ADAMTS2: variants seen among roughly 807,000 people sequenced by gnomAD.
ADAMTS2 encodes the protein ADAM metallopeptidase with thrombospondin type 1 motif 2.
ADAMTS2 carries 50 observed loss-of-function variants against 123.0 expected under a neutral mutation model. The ratio of observed to expected loss-of-function variants is 0.41; its 90% CI spans 0.32 to 0.51. The LOEUF (loss-of-function observed/expected upper bound fraction) is 0.51, where lower values mean the gene tolerates loss of function less well. ADAMTS2 is among the 20% of genes least tolerant of loss of function. ADAMTS2 has a pLI of 0.35. For synonymous variants in ADAMTS2, 678 were observed against 695.4 expected (o/e 0.98, Z 0.39); for missense variants, 1,494 against 1,705.2 (o/e 0.88, Z 2.18).
chr5:179,191,694 C>T (rs74886580), intron 4 of ADAMTS2, among the ~76,000 whole-genome samples: 183 of 152,244 alleles, frequency 1.2e-3, no homozygotes, highest in South Asian at 5.8e-3. Context: ...CTATCCCTAC[C>T]GCTGCCCCCG....
At chr5:179,326,881 G>C (rs1331217488) in intron 2 of ADAMTS2, among the ~76,000 whole-genome samples, 1 of 152,094 alleles carries the variant, frequency 6.6e-6, no homozygotes, top group Non-Finnish European at 1.5e-5. Context: ...GAGAGGGAGA[G>C]GGAGAGAGAG....
intron 3 of ADAMTS2, among the ~76,000 whole-genome samples, chr5:179,220,114 C>T (rs796749556): frequency 7.2e-5 from 11 of 152,354 alleles, no homozygotes; most frequent in African/African-American, 2.4e-4. Context: ...GGTAATGTCA[C>T]GGGGGCACCG....
intron 3 of ADAMTS2, among the ~76,000 whole-genome samples, chr5:179,250,138 A>G (rs1316203148): frequency 1.3e-5 from 2 of 152,194 alleles, no homozygotes; most frequent in African/African-American, 4.8e-5. Context: ...ACAGAACCCA[A>G]CACCCTTTGT....
intron 4 of ADAMTS2, among the ~76,000 whole-genome samples, chr5:179,194,827 C>T (rs1195344653): frequency 6.6e-6 from 1 of 152,132 alleles, no homozygotes; most frequent in Admixed American, 6.5e-5. Flanking sequence ...AGTTCCCCTC[C>T]TCAGGTGGGG....
intron 3 of ADAMTS2, among the ~76,000 whole-genome samples, chr5:179,244,023 T>C (rs1251404119): frequency 1.3e-5 from 2 of 151,774 alleles, no homozygotes; most frequent in African/African-American, 2.4e-5. Flanking sequence ...TTAAGAAAAA[T>C]GTGGAAACCA....
At chr5:179,208,128 G>T (rs925158029) in intron 3 of ADAMTS2, among the ~76,000 whole-genome samples, 1 of 130,634 alleles carries the variant, frequency 7.7e-6, no homozygotes, top group Non-Finnish European at 1.8e-5. Context: ...GCCTGACGCT[G>T]GAGTGGGCAG....
At position 179,303,605 on chromosome 5, in the gene ADAMTS2, G is replaced by A. The variant is rs771908678; in HGVS notation, c.535-30541C>T. On this transcript the variant is annotated intron_variant, in intron 2 of 21. Coordinates refer to ENST00000251582, the MANE Select transcript of ADAMTS2 (RefSeq NM_014244.5). This position sits in a 1 kb window ranked among gnomAD's most constrained non-coding sequence, Gnocchi z 4.7. The stretch of plus-strand genomic sequence containing the variant: ...GCTCAAGGATAGAAAAAGCATTTCC[G>A]AATGCTCAGAGCCAAGCCAACACCT... 1.4e-4 allele frequency among the ~76,000 whole-genome samples: 22 copies of A among 152,292 alleles called. No homozygotes were observed. The highest frequency in any genetic ancestry group is 4.6e-4 in the Admixed American group (7 of 15,304).
At position 179,317,736 on chromosome 5, in the gene ADAMTS2, C is replaced by T. The variant is rs898100088; in HGVS notation, c.534+26031G>A. Among the ~76,000 whole-genome samples, 4 of 152,228 alleles carry T rather than the reference C, an allele frequency of 2.6e-5. No homozygotes were observed. Among genetic ancestry groups the T allele is most frequent in the South Asian group, 2.1e-4 (1 of 4,834 alleles). On this transcript the variant is annotated intron_variant, in intron 2 of 21. Transcript: ENST00000251582. The surrounding 1 kb of genome is among the most constrained non-coding windows in gnomAD (Gnocchi z 4.9). Reference sequence around the variant, plus strand: ...ACACACACGTGTACATTTCAGCACGCGTCTAGGGGAGGTTAGCGTGCCAGC... The same window carrying T: ...ACACACACGTGTACATTTCAGCACGTGTCTAGGGGAGGTTAGCGTGCCAGC...
At chr5:179,193,769 G>A (rs1290908301) in intron 4 of ADAMTS2, among the ~76,000 whole-genome samples, 2 of 152,190 alleles carry the variant, frequency 1.3e-5, no homozygotes, top group Admixed American at 1.3e-4. Flanking sequence ...CTCTGGGTCC[G>A]ATACAAAGTC....
At position 179,177,627 on chromosome 5, in the gene ADAMTS2, C is replaced by T. The variant is rs76940512; in HGVS notation, c.975+3445G>A. On this transcript the variant is annotated intron_variant, in intron 5 of 21. Transcript: ENST00000251582. ...TTGAAATATTCACATCCCAGGAAAT[C>T]CTCAATTTCCCCAGGATCTCCGTGT... Among the ~76,000 whole-genome samples the T allele has an allele frequency of 1.3e-3, 193 of 152,216 alleles. 2 individuals carry two copies. In the East Asian group the frequency reaches 0.035, roughly 28 times the overall value.
intron 2 of ADAMTS2, among the ~76,000 whole-genome samples, chr5:179,287,199 C>T (rs918413375): frequency 5.3e-5 from 8 of 152,172 alleles, no homozygotes; most frequent in African/African-American, 1.7e-4. Flanking sequence ...CAGGATCACT[C>T]CCCAGGGGCC....
chr5:179,164,630 C>T (rs1316181666), intron 5 of ADAMTS2, among the ~76,000 whole-genome samples: 1 of 152,152 alleles, frequency 6.6e-6, no homozygotes, highest in African/African-American at 2.4e-5. Context: ...TCTTTCCTGG[C>T]CAGCTTGCTC....
chr5:179,153,760 G>A (rs1161207515), intron 8 of ADAMTS2, 137 bp from the exon 9 acceptor site: 1 of 1,337,676 alleles, frequency 7.5e-7, no homozygotes, highest in Non-Finnish European at 1.0e-6. Flanking sequence ...TGCTGCCTCA[G>A]TTTCCCTGCT....
intron 4 of ADAMTS2, 61 bp downstream of exon 4, chr5:179,207,452 C>T (rs1359176129): frequency 2.6e-6 from 4 of 1,564,314 alleles, no homozygotes; most frequent in East Asian, 2.3e-5. Context: ...GCCTCTCTGG[C>T]CTGCCCAGCC....
intron 15 of ADAMTS2, among the ~76,000 whole-genome samples, chr5:179,131,723 A>G (rs1000063591): frequency 1.3e-5 from 2 of 152,166 alleles, no homozygotes; most frequent in Non-Finnish European, 2.9e-5. Flanking sequence ...AGGTGTGAGA[A>G]CATCCATATT....
At chr5:179,141,590 A>T (rs1299593409) in intron 10 of ADAMTS2, among the ~76,000 whole-genome samples, 1 of 152,160 alleles carries the variant, frequency 6.6e-6, no homozygotes, top group Non-Finnish European at 1.5e-5. Flanking sequence ...AAATCTATTA[A>T]ATCTTGGTAA....
rs186240131 is a variant in ADAMTS2, at chr5:179,209,001, C to T, written c.689-1286G>A. Among the ~76,000 whole-genome samples, 333 of 152,350 alleles carry T rather than the reference C, an allele frequency of 2.2e-3. 2 individuals carry two copies. The highest frequency in any genetic ancestry group is 7.7e-3 in the African/African-American group (319 of 41,590). ...TCTTCCAGAACAACACTTTTCACCCCCAACGCCTCTCTCCTGCTGCCTCTT... is the reference window on the plus strand; with the variant it reads ...TCTTCCAGAACAACACTTTTCACCCTCAACGCCTCTCTCCTGCTGCCTCTT... On this transcript the variant is annotated intron_variant, in intron 3 of 21. Transcript: ENST00000251582.
At position 179,210,963 on chromosome 5, in the gene ADAMTS2, G is replaced by A. The variant is rs114081335; in HGVS notation, c.689-3248C>T. 4.6e-3 allele frequency among the ~76,000 whole-genome samples: 698 copies of A among 152,378 alleles called. 10 individuals carry two copies. Among genetic ancestry groups the A allele is most frequent in the African/African-American group, 0.016 (673 of 41,596 alleles). ...ACCACATGCTGGCCCTTGCAGACCT[G>A]TTCCCCAAATAGAGCCTTGCTATAG... is the stretch of plus-strand genomic sequence containing the variant. On this transcript the variant is annotated intron_variant, in intron 3 of 21. Transcript: ENST00000251582.
Position 179,283,603 on chromosome 5 carries a change from A to G in ADAMTS2, c.535-10539T>C, listed in dbSNP as rs1010125908. 6.6e-5 allele frequency among the ~76,000 whole-genome samples: 10 copies of G among 150,580 alleles called. No homozygotes were observed. In the East Asian group the frequency reaches 1.7e-3, roughly 26 times the overall value. ...AAACAGAAAACATAAATTAGATGAC[A>G]GAAGTAAGAACAAATATATAACAAT... On this transcript the variant is annotated intron_variant, in intron 2 of 21. Coordinates refer to ENST00000251582, the MANE Select transcript of ADAMTS2 (RefSeq NM_014244.5).
Sources: allele counts gnomAD v4.1 joint callset (sites outside exome capture counted in the v4.1 genomes callset), GRCh38; gene constraint gnomAD v4.1.1; non-coding constraint Gnocchi (gnomAD v3.1); transcripts MANE v1.5; gene names NCBI Gene and HGNC (gene_info 2026-07-23, HGNC 2026-07-21).